The following USP12 variants were observed in gnomAD, a reference collection of about 807,000 sequenced individuals.
USP12 encodes ubiquitin specific peptidase 12, also known as ubiquitin carboxyl-terminal hydrolase 12.
USP12 carries 19 observed loss-of-function variants against 45.5 expected under a neutral mutation model. The observed-to-expected ratio is 0.42, with a 90% CI of 0.29 to 0.61. The LOEUF (loss-of-function observed/expected upper bound fraction) is 0.61. Ranked by LOEUF, USP12 falls within the 20% of genes least tolerant of loss-of-function variation. The pLI is 0.22. For synonymous variants in USP12, 149 were observed against 148.8 expected (o/e 1.00, Z -0.01); for missense variants, 242 against 447.7 (o/e 0.54, Z 4.15).
chr13:27,113,873 G>C (rs1442084778), intron 2 of USP12, among the ~76,000 whole-genome samples: 2 of 152,142 alleles, frequency 1.3e-5, no homozygotes, highest in Admixed American at 1.3e-4. Flanking sequence ...AGAGAACCAA[G>C]AGACATTTGC....
chr13:27,151,444 A>C (rs1419377677), intron 1 of USP12, among the ~76,000 whole-genome samples: 1 of 152,228 alleles, frequency 6.6e-6, no homozygotes, highest in Non-Finnish European at 1.5e-5. Context: ...ATATTAGCAA[A>C]TAAGGTAACT....
intron 8 of USP12, among the ~76,000 whole-genome samples, chr13:27,070,288 G>A (rs1218164589): frequency 1.3e-5 from 2 of 152,176 alleles, no homozygotes; most frequent in Non-Finnish European, 2.9e-5. Context: ...GCAGGCTCCA[G>A]GAGGGTAGAG....
At chr13:27,120,517 G>A (rs551109910) in intron 1 of USP12, among the ~76,000 whole-genome samples, 37 of 152,082 alleles carry the variant, frequency 2.4e-4, no homozygotes, top group African/African-American at 8.7e-4. Context: ...AGTCAGGGGT[G>A]GTCGTGGGCG....
At chr13:27,149,477 C>A (rs1593209255) in intron 1 of USP12, among the ~76,000 whole-genome samples, 1 of 152,230 alleles carries the variant, frequency 6.6e-6, no homozygotes, top group African/African-American at 2.4e-5. Flanking sequence ...ATAAAGAAAA[C>A]CCTAAAGAAT....
chr13:27,123,533 A>T (rs1876093406), intron 1 of USP12, among the ~76,000 whole-genome samples: 1 of 152,196 alleles, frequency 6.6e-6, no homozygotes, highest in South Asian at 2.1e-4. Flanking sequence ...CTCATCTTGA[A>T]TTGTAGCTCT....
At chr13:27,141,841 C>G (rs1385568606) in intron 1 of USP12, among the ~76,000 whole-genome samples, 2 of 152,164 alleles carry the variant, frequency 1.3e-5, no homozygotes, top group Non-Finnish European at 2.9e-5. Flanking sequence ...CATAACACCA[C>G]AACTGGAAAA....
chr13:27,101,285 C>T (rs549566536), intron 3 of USP12, among the ~76,000 whole-genome samples: 28 of 152,316 alleles, frequency 1.8e-4, no homozygotes, highest in African/African-American at 6.3e-4. Context: ...GTATAAACAT[C>T]AAAATAACAC....
At chr13:27,095,566 A>G in intron 4 of USP12, 35 bp downstream of exon 4, 1 of 1,459,042 alleles carries the variant, frequency 6.9e-7, no homozygotes, top group South Asian at 1.4e-5. Flanking sequence ...TAGTAATTCA[A>G]TTTTTCTCTA....
intron 2 of USP12, among the ~76,000 whole-genome samples, chr13:27,108,218 T>C (rs554120483): frequency 0.062 from 9,343 of 151,648 alleles, 320 homozygotes; most frequent in Admixed American, 0.084. Flanking sequence ...AAATGATGAG[T>C]TCATGTCCTT....
intron 3 of USP12, among the ~76,000 whole-genome samples, chr13:27,101,200 G>C (rs897260387): frequency 1.3e-5 from 2 of 152,120 alleles, no homozygotes; most frequent in African/African-American, 4.8e-5. Context: ...ATTTTCCTTA[G>C]AGTATACTGA....
intron 8 of USP12, among the ~76,000 whole-genome samples, chr13:27,070,712 C>T (rs1401903647): frequency 6.6e-6 from 1 of 152,150 alleles, no homozygotes; most frequent in Non-Finnish European, 1.5e-5. Context: ...CGCCACCATG[C>T]CCGGCTAATT....
chr13:27,157,789 C>G (rs1057364129), intron 1 of USP12, among the ~76,000 whole-genome samples: 9 of 152,190 alleles, frequency 5.9e-5, no homozygotes, highest in African/African-American at 1.9e-4. Context: ...CCTTCCTTCT[C>G]CAACTGATGC....
chr13:27,140,491 G>A (rs964332606), intron 1 of USP12, among the ~76,000 whole-genome samples: 26 of 152,028 alleles, frequency 1.7e-4, no homozygotes, highest in African/African-American at 4.1e-4. Flanking sequence ...GACACTATAG[G>A]GCACAATAAC....
At chr13:27,089,809 TTTTTC>T in intron 6 of USP12, 69 bp downstream of exon 6, 2 of 1,463,620 alleles carry the variant, frequency 1.4e-6, no homozygotes, top group Non-Finnish European at 1.9e-6. Context: ...TCCTAGATTG[TTTTTC>T]TAAGCCCACC....
intron 6 of USP12, among the ~76,000 whole-genome samples, chr13:27,087,633 C>T (rs937064806): frequency 1.3e-5 from 2 of 152,188 alleles, no homozygotes; most frequent in African/African-American, 4.8e-5. Context: ...GTACAAGGTC[C>T]TAGTTTATTG....
At chr13:27,171,268 C>G (rs983643905) in intron 1 of USP12, among the ~76,000 whole-genome samples, 2 of 150,064 alleles carry the variant, frequency 1.3e-5, no homozygotes, top group African/African-American at 4.9e-5. Context: ...GCGTCCCGAG[C>G]GGACCCCAGC....
chr13:27,073,832 G>C (rs1024354845), intron 7 of USP12, among the ~76,000 whole-genome samples: 2 of 152,150 alleles, frequency 1.3e-5, no homozygotes, highest in Non-Finnish European at 1.5e-5. Flanking sequence ...GGCTTTTCAG[G>C]AAGCTATGCA....
At chr13:27,155,383 C>T (rs2137836647) in intron 1 of USP12, among the ~76,000 whole-genome samples, 1 of 152,068 alleles carries the variant, frequency 6.6e-6, no homozygotes, top group Middle Eastern at 3.4e-3. Context: ...ACCCAGCGAC[C>T]TCCATAACTT....
rs1445760090 is a variant in USP12 at position 27,125,507 on chromosome 13, A to AACAGCTCCGGTCT, written c.49-8924_49-8912dup. Among the ~76,000 whole-genome samples, 11 of 152,250 alleles carry AACAGCTCCGGTCT rather than the reference A, an allele frequency of 7.2e-5. No individual in the cohort carries two copies. In the East Asian group the frequency reaches 2.1e-3, roughly 29 times the overall value. ...GTTGCTTCCAAGATGGCCGAATAGG[A>AACAGCTCCGGTCT]ACAGCTCCGGTCTACAGCTCCCTGC... On this transcript the variant is annotated intron_variant, in intron 1 of 8. Transcript: ENST00000282344.
Sources: allele counts gnomAD v4.1 joint callset (sites outside exome capture counted in the v4.1 genomes callset), GRCh38; gene constraint gnomAD v4.1.1; transcripts MANE v1.5; gene names NCBI Gene and HGNC (gene_info 2026-07-23, HGNC 2026-07-21).